The following ALK variants were observed in gnomAD, a reference collection of about 807,000 sequenced individuals.
ALK encodes the protein ALK tyrosine kinase receptor.
A neutral mutation model predicts 163.1 loss-of-function variants in ALK; 74 were observed. The observed-to-expected ratio is 0.45, with a 90% CI of 0.38 to 0.55. The LOEUF (loss-of-function observed/expected upper bound fraction) is 0.55. Ranked by LOEUF, ALK falls within the 20% of genes least tolerant of loss-of-function variation. ALK has a pLI of 0.00. For missense variants in ALK, 2,063 were observed against 2,105.3 expected (o/e 0.98, Z 0.39); for synonymous variants, 960 against 843.2 (o/e 1.14, Z -2.40).
At chr2:29,685,546 C>T (rs992437348) in intron 3 of ALK, among the ~76,000 whole-genome samples, 2 of 152,142 alleles carry the variant, frequency 1.3e-5, no homozygotes, top group African/African-American at 2.4e-5. Flanking sequence ...TCATTGGATA[C>T]CTTCAATATA....
At chr2:29,763,540 C>T (rs938463852) in intron 1 of ALK, among the ~76,000 whole-genome samples, 4 of 152,130 alleles carry the variant, frequency 2.6e-5, no homozygotes, top group Admixed American at 1.3e-4. Context: ...AAATTAAGTG[C>T]TTCCCCATTA....
intron 1 of ALK, among the ~76,000 whole-genome samples, chr2:29,789,430 G>A (rs1171729763): frequency 6.6e-6 from 1 of 152,180 alleles, no homozygotes; most frequent in African/African-American, 2.4e-5. Flanking sequence ...CCAGTGAACT[G>A]ACCAGTTGAT....
chr2:29,664,346 C>G (rs1416444612), intron 3 of ALK, among the ~76,000 whole-genome samples: 1 of 152,076 alleles, frequency 6.6e-6, no homozygotes, highest in Non-Finnish European at 1.5e-5. Flanking sequence ...CCCAGTTGTC[C>G]AAACTATACA....
At chr2:29,815,393 G>A (rs1558500514) in intron 1 of ALK, among the ~76,000 whole-genome samples, 1 of 152,078 alleles carries the variant, frequency 6.6e-6, no homozygotes, top group Non-Finnish European at 1.5e-5. Flanking sequence ...GTCTCTGAGT[G>A]ACCCCGCTAT....
chr2:29,338,335 C>T (rs891454964), intron 5 of ALK, among the ~76,000 whole-genome samples: 9 of 152,220 alleles, frequency 5.9e-5, no homozygotes, highest in Admixed American at 5.2e-4. Context: ...AGTCAGCTTT[C>T]TGAGGTCAGC....
At chr2:29,429,868 T>G (rs1424082163) in intron 4 of ALK, among the ~76,000 whole-genome samples, 1 of 152,166 alleles carries the variant, frequency 6.6e-6, no homozygotes, top group Non-Finnish European at 1.5e-5. Context: ...GCTGGCATAA[T>G]GATAGACACA....
chr2:29,519,681 A>G (rs1006504073), intron 4 of ALK, among the ~76,000 whole-genome samples: 9 of 152,200 alleles, frequency 5.9e-5, no homozygotes, highest in Admixed American at 3.3e-4. Flanking sequence ...AATGGAAGTC[A>G]TCTGGATCTA....
intron 1 of ALK, among the ~76,000 whole-genome samples, chr2:29,905,119 A>G (rs1667509390): frequency 6.6e-6 from 1 of 152,216 alleles, no homozygotes; most frequent in Non-Finnish European, 1.5e-5. Flanking sequence ...AAATGCAAAC[A>G]CAATTTTGTG....
chr2:29,685,248 A>C (rs1573554620), intron 3 of ALK, among the ~76,000 whole-genome samples: 1 of 152,118 alleles, frequency 6.6e-6, no homozygotes, highest in Non-Finnish European at 1.5e-5. Context: ...CTTCATAGAA[A>C]CCGAGCCCTT....
Position 29,226,774 on chromosome 2 carries a change from C to T in ALK, c.3067+148G>A, listed in dbSNP as rs1664008298. 5.0e-6 allele frequency: 5 copies of T among 992,742 alleles called. No homozygotes were observed. The East Asian group carries it at 7.2e-5, about 14-fold the overall frequency. 61.5% of individuals were successfully genotyped at this position (992,742 alleles called of 1,614,324 possible). Reference sequence around the variant, plus strand: ...CATGACCCACCTTTCACACAGTGGTCAGAGCACTCGAGCTGTGGCAGGTAG... The same window carrying T: ...CATGACCCACCTTTCACACAGTGGTTAGAGCACTCGAGCTGTGGCAGGTAG... On this transcript the variant is annotated intron_variant, in intron 18 of 28. Coordinates refer to ENST00000389048, the MANE Select transcript of ALK (RefSeq NM_004304.5).
At position 29,224,912 on chromosome 2, in the gene ALK, A is replaced by G. The variant is rs770675198; in HGVS notation, c.3172+549T>C. 9.7e-4 allele frequency among the ~76,000 whole-genome samples: 147 copies of G among 152,178 alleles called. No homozygotes were observed. Among genetic ancestry groups the G allele is most frequent in the Non-Finnish European group, 1.6e-3 (110 of 68,030 alleles). On this transcript the variant is annotated intron_variant, in intron 19 of 28. Coordinates refer to ENST00000389048, the MANE Select transcript of ALK (RefSeq NM_004304.5). ...AAGCCTCTGCCCATCTGTCCTGGGC[A>G]TGTCTCTGCCAGCAGTAAGAGCTGG...
At chr2:29,578,403 T>C (rs942967528) in intron 3 of ALK, among the ~76,000 whole-genome samples, 1 of 152,176 alleles carries the variant, frequency 6.6e-6, no homozygotes, top group Non-Finnish European at 1.5e-5. Flanking sequence ...GGTTGCAGGG[T>C]ATGGTGCCCT....
At chr2:29,679,505 A>T (rs968919426) in intron 3 of ALK, among the ~76,000 whole-genome samples, 6 of 150,020 alleles carry the variant, frequency 4.0e-5, no homozygotes, top group Admixed American at 4.0e-4. Context: ...TTTCCTAGTG[A>T]TTGCTCTAAA....
intron 22 of ALK, chr2:29,221,046 G>A: frequency 1.4e-6 from 1 of 690,386 alleles, no homozygotes; most frequent in Non-Finnish European, 2.7e-6. Context: ...CTCCACAGGA[G>A]TTCCATTTGC....
chr2:29,324,304 CT>C (rs1304830242), intron 6 of ALK, among the ~76,000 whole-genome samples: 2 of 152,218 alleles, frequency 1.3e-5, no homozygotes, highest in Admixed American at 1.3e-4. Context: ...ACTTCTTTTC[CT>C]TCCTGCGTGA....
At chr2:29,794,388 T>TAAAA (rs1664256993) in intron 1 of ALK, among the ~76,000 whole-genome samples, 1 of 152,182 alleles carries the variant, frequency 6.6e-6, no homozygotes, top group South Asian at 2.1e-4. Flanking sequence ...TAAGGCTGTT[T>TAAAA]TGCTTTAAAA....
At chr2:29,682,132 G>A (rs766605654) in intron 3 of ALK, among the ~76,000 whole-genome samples, 8 of 152,184 alleles carry the variant, frequency 5.3e-5, no homozygotes, top group Admixed American at 2.0e-4. Context: ...CAGAGTTGTT[G>A]ATGGGAAGAA....
intron 1 of ALK, among the ~76,000 whole-genome samples, chr2:29,831,090 GAGGAGGAGGAGGAGGAGGAGA>G (rs1474406308): frequency 1.7e-5 from 1 of 58,210 alleles, no homozygotes; most frequent in Non-Finnish European, 3.3e-5. Context: ...GGAGGAGGAG[GAGGAGGAGGAGGAGGAGGAGA>G]AGAAGAAGAA....
At chr2:29,543,465 C>T (rs1377538314) in intron 3 of ALK, among the ~76,000 whole-genome samples, 7 of 152,174 alleles carry the variant, frequency 4.6e-5, no homozygotes, top group South Asian at 4.1e-4. Flanking sequence ...CCAAAGGGCA[C>T]GTCACCCTGA....
Sources: gnomAD v4.1 joint callset for allele counts (sites outside exome capture counted in the v4.1 genomes callset) on GRCh38, gnomAD v4.1.1 for gene constraint, MANE v1.5 for transcripts, NCBI Gene and HGNC (gene_info 2026-07-23, HGNC 2026-07-21) for gene names.